CDH18: variants seen among roughly 807,000 people sequenced by gnomAD.
CDH18 encodes the protein cadherin-18.
CDH18 carries 31 observed loss-of-function variants against 67.9 expected under a neutral mutation model. The ratio of observed to expected loss-of-function variants is 0.46; its 90% CI spans 0.34 to 0.62. The LOEUF is 0.62. Among genes scored for constraint, CDH18 ranks in the 20% least tolerant of loss-of-function variants. The pLI, the probability that CDH18 is intolerant of heterozygous loss-of-function variation, is 0.01. For synonymous variants in CDH18, 362 were observed against 347.2 expected, an observed-to-expected ratio of 1.04 and a Z score of -0.48; for missense variants, 890 against 975.5, an observed-to-expected ratio of 0.91 and a Z score of 1.17.
In CDH18 at chr5:19,801,930, T is replaced by C. The variant is rs181734920; in HGVS notation, c.228+36829A>G. Among the ~76,000 whole-genome samples the C allele has an allele frequency of 5.3e-3, 812 of 152,302 alleles. 2 individuals carry two copies. Among genetic ancestry groups the C allele is most frequent in the Non-Finnish European group, 9.6e-3 (655 of 68,014 alleles). ...AATTAGATATTATTTTGCCATTCTC[T>C]ATCTAAATGTTTACTAAAATTGTAA... On this transcript the variant is annotated intron_variant, in intron 3 of 12. Coordinates refer to ENST00000382275, the MANE Select transcript of CDH18 (RefSeq NM_004934.5).
chr5:20,475,980 C>A (rs1752412498), intron 1 of CDH18, among the ~76,000 whole-genome samples: 1 of 152,104 alleles, frequency 6.6e-6, no homozygotes, highest in South Asian at 2.1e-4. Context: ...AAAACTAGAC[C>A]AAATGTTTCT....
intron 2 of CDH18, among the ~76,000 whole-genome samples, chr5:19,996,462 G>A (rs1385798741): frequency 1.3e-5 from 2 of 152,066 alleles, no homozygotes; most frequent in East Asian, 3.9e-4. Flanking sequence ...TATGGCATTT[G>A]AAAAGATTAC....
chr5:20,171,039 C>CT (rs59141932), intron 2 of CDH18, among the ~76,000 whole-genome samples: 22 of 105,254 alleles, frequency 2.1e-4, no homozygotes, highest in African/African-American at 4.1e-4. Context: ...ATATGATCTC[C>CT]TTTTTTTTTT....
At chr5:19,477,249 C>T (rs1445751815) in intron 12 of CDH18, among the ~76,000 whole-genome samples, 1 of 150,738 alleles carries the variant, frequency 6.6e-6, no homozygotes, top group Non-Finnish European at 1.5e-5. Context: ...ACATAGGATC[C>T]CTCTAGTTAA....
intron 1 of CDH18, among the ~76,000 whole-genome samples, chr5:20,443,789 A>C (rs534299841): frequency 6.6e-6 from 1 of 152,042 alleles, no homozygotes; most frequent in East Asian, 1.9e-4. Context: ...AAACTTGTTG[A>C]TCTTGAGTGA....
intron 1 of CDH18, among the ~76,000 whole-genome samples, chr5:20,558,031 TTATATAACATTAATTGTTATA>T (rs1758010401): frequency 7.0e-6 from 1 of 143,372 alleles, no homozygotes. Flanking sequence ...AATGTTATAG[TTATATAACATTAATTGTTATA>T]TAACAATCTG....
At chr5:19,645,575 T>C (rs1484662961) in intron 5 of CDH18, among the ~76,000 whole-genome samples, 4 of 152,310 alleles carry the variant, frequency 2.6e-5, no homozygotes, top group Non-Finnish European at 5.9e-5. Context: ...CTAAGCTGTT[T>C]TGTAAAGAGT....
intron 2 of CDH18, among the ~76,000 whole-genome samples, chr5:20,055,864 A>G (rs1035963043): frequency 6.6e-6 from 1 of 152,106 alleles, no homozygotes; most frequent in African/African-American, 2.4e-5. Context: ...ATGTATAAGC[A>G]TCTGGTTCTA....
chr5:20,444,174 A>T (rs2150195807), intron 1 of CDH18, among the ~76,000 whole-genome samples: 1 of 152,342 alleles, frequency 6.6e-6, no homozygotes, highest in South Asian at 2.1e-4. Flanking sequence ...ATCCAATATT[A>T]CATTTGACCA....
At chr5:19,820,071 T>C (rs548827253) in intron 3 of CDH18, among the ~76,000 whole-genome samples, 9 of 152,210 alleles carry the variant, frequency 5.9e-5, no homozygotes, top group African/African-American at 2.2e-4. Flanking sequence ...CCCAGGAGTA[T>C]TGAGGTAAGA....
intron 2 of CDH18, among the ~76,000 whole-genome samples, chr5:20,041,541 G>T (rs1171564208): frequency 2.0e-5 from 3 of 152,084 alleles, no homozygotes; most frequent in African/African-American, 7.2e-5. Context: ...TCCTCCCGTG[G>T]AAACAAATAT....
Position 20,233,008 on chromosome 5 carries a change from A to G in CDH18, c.-518+22436T>C, listed in dbSNP as rs570657477. Among the ~76,000 whole-genome samples, 156 of 151,976 alleles carry G rather than the reference A, an allele frequency of 1.0e-3. 1 individual carries two copies. The highest frequency in any genetic ancestry group is 3.6e-3 in the African/African-American group (150 of 41,532). ...TTGCAATAACAATAAAGAAGTTGAAACCTGATTAATCCAGATGATGTTAAA... is the reference window on the plus strand; with the variant it reads ...TTGCAATAACAATAAAGAAGTTGAAGCCTGATTAATCCAGATGATGTTAAA... On this transcript the variant is annotated intron_variant, in intron 2 of 14. Coordinates refer to the CDH18 transcript ENST00000507958.
At chr5:19,590,028 A>G (rs1432669652) in intron 7 of CDH18, among the ~76,000 whole-genome samples, 1 of 152,068 alleles carries the variant, frequency 6.6e-6, no homozygotes, top group Non-Finnish European at 1.5e-5. Context: ...TATTTGATTA[A>G]TGTCTGTCCA....
At chr5:20,081,092 A>T (rs1340883053) in intron 2 of CDH18, among the ~76,000 whole-genome samples, 1 of 152,196 alleles carries the variant, frequency 6.6e-6, no homozygotes, top group Admixed American at 6.5e-5. Context: ...ATGATTAAAC[A>T]ATTAAGAGAT....
At chr5:19,738,204 C>T (rs1768617849) in intron 4 of CDH18, among the ~76,000 whole-genome samples, 1 of 152,004 alleles carries the variant, frequency 6.6e-6, no homozygotes, top group African/African-American at 2.4e-5. Flanking sequence ...GACTACGGAC[C>T]ACTATAATAT....
intron 1 of CDH18, among the ~76,000 whole-genome samples, chr5:20,371,410 G>A (rs975138846): frequency 2.0e-5 from 3 of 152,162 alleles, no homozygotes; most frequent in Non-Finnish European, 4.4e-5. Context: ...ATGCCTTGAC[G>A]CATTGTTCTG....
intron 2 of CDH18, among the ~76,000 whole-genome samples, chr5:20,036,612 T>C (rs1435628857): frequency 2.0e-5 from 3 of 152,004 alleles, no homozygotes; most frequent in Non-Finnish European, 4.4e-5. Context: ...GGATCCATAG[T>C]GGTAGGTGGC....
intron 1 of CDH18, among the ~76,000 whole-genome samples, chr5:20,415,845 G>A (rs1055402203): frequency 8.6e-5 from 13 of 151,776 alleles, no homozygotes; most frequent in Non-Finnish European, 1.8e-4. Flanking sequence ...CAACAATGTG[G>A]AAGAATCATG....
At chr5:19,884,064 A>G (rs1787940377) in intron 2 of CDH18, among the ~76,000 whole-genome samples, 1 of 152,160 alleles carries the variant, frequency 6.6e-6, no homozygotes, top group Non-Finnish European at 1.5e-5. Context: ...GTTGAAATGT[A>G]TAATCTTTAA....
Sources: allele counts gnomAD v4.1 joint callset (sites outside exome capture counted in the v4.1 genomes callset), GRCh38; gene constraint gnomAD v4.1.1; transcripts MANE v1.5; gene names NCBI Gene and HGNC (gene_info 2026-07-23, HGNC 2026-07-21).